TAFA2: variants seen among roughly 807,000 people sequenced by gnomAD.
TAFA2 encodes the protein TAFA chemokine like family member 2.
A neutral mutation model predicts 18.8 loss-of-function variants in TAFA2; 7 were observed. That is an observed-to-expected ratio of 0.37 (90% CI 0.21 to 0.70). TAFA2 has a LOEUF of 0.70. TAFA2 is among the 30% of genes least tolerant of loss of function. The probability of loss-of-function intolerance (pLI) is 0.53; values close to 1 mark genes in which losing one functional copy is unlikely to be tolerated. For synonymous variants in TAFA2, 60 were observed against 54.2 expected, an observed-to-expected ratio of 1.11 and a Z score of -0.47; for missense variants, 122 against 158.1, an observed-to-expected ratio of 0.77 and a Z score of 1.23.
At chr12:61,821,484 C>A (rs1298062270) in intron 2 of TAFA2, among the ~76,000 whole-genome samples, 1 of 150,808 alleles carries the variant, frequency 6.6e-6, no homozygotes, top group African/African-American at 2.4e-5. Flanking sequence ...GGATTGCAAG[C>A]AAAAAAGGGA....
At chr12:61,716,252 C>T (rs1565747448) in intron 4 of TAFA2, among the ~76,000 whole-genome samples, 2 of 152,150 alleles carry the variant, frequency 1.3e-5, no homozygotes, top group African/African-American at 4.8e-5. Flanking sequence ...TTCTCTGATA[C>T]AGAATTCCAT....
In TAFA2 at chr12:62,106,519, G is replaced by A. The variant is rs12818210; in HGVS notation, c.-2+84740C>T. On this transcript the variant is annotated intron_variant, in intron 1 of 4. Coordinates refer to ENST00000416284, the MANE Select transcript of TAFA2 (RefSeq NM_178539.5). ...AGAGGCAGAAGGGAAGGGATGCTTC[G>A]AATTCCTGACTTGAATTTTAATTCT... is the stretch of plus-strand genomic sequence containing the variant. Among the ~76,000 whole-genome samples the A allele has an allele frequency of 4.6e-5, 7 of 152,204 alleles. No individual in the cohort carries two copies. In the South Asian group the frequency reaches 6.2e-4, roughly 14 times the overall value.
intron 1 of TAFA2, among the ~76,000 whole-genome samples, chr12:61,873,235 TGAG>T (rs1418569562): frequency 2.0e-5 from 3 of 152,022 alleles, no homozygotes; most frequent in African/African-American, 7.2e-5. Flanking sequence ...GAGTGGGAGA[TGAG>T]GAAATGGAAA....
intron 2 of TAFA2, among the ~76,000 whole-genome samples, chr12:61,810,774 A>G (rs1871832789): frequency 6.6e-6 from 1 of 151,092 alleles, no homozygotes; most frequent in African/African-American, 2.5e-5. Context: ...CTGCTGTACA[A>G]TCCTCAGTGA....
chr12:62,040,037 G>A (rs1881716668), intron 1 of TAFA2, among the ~76,000 whole-genome samples: 6 of 152,040 alleles, frequency 3.9e-5, no homozygotes, highest in Admixed American at 3.9e-4. Context: ...GAATGCTGTG[G>A]GAGAACACAC....
chr12:62,056,543 A>G (rs1466168261), intron 1 of TAFA2, among the ~76,000 whole-genome samples: 1 of 152,140 alleles, frequency 6.6e-6, no homozygotes, highest in African/African-American at 2.4e-5. Flanking sequence ...CCTGAAGTCC[A>G]TGGGCTCCCC....
intron 2 of TAFA2, among the ~76,000 whole-genome samples, chr12:61,834,076 A>T (rs1872821851): frequency 6.6e-6 from 1 of 152,104 alleles, no homozygotes; most frequent in East Asian, 1.9e-4. Flanking sequence ...CAATAGTAGT[A>T]ACAACTATTG....
At chr12:61,886,094 C>T (rs1200398343) in intron 1 of TAFA2, among the ~76,000 whole-genome samples, 1 of 152,124 alleles carries the variant, frequency 6.6e-6, no homozygotes, top group African/African-American at 2.4e-5. Flanking sequence ...TTGGGTAAGG[C>T]CTCCCTTTGC....
chr12:62,206,142 AC>A (rs569090417), intron 1 of TAFA2, among the ~76,000 whole-genome samples: 241 of 151,814 alleles, frequency 1.6e-3, no homozygotes, highest in African/African-American at 5.7e-3. Flanking sequence ...GGAGCCTCCA[AC>A]CCCAGCTGTT....
chr12:62,211,759 T>A (rs1213376480), intron 1 of TAFA2, among the ~76,000 whole-genome samples: 1 of 152,202 alleles, frequency 6.6e-6, no homozygotes, highest in East Asian at 1.9e-4. Flanking sequence ...AGTGCATGAA[T>A]GTATAAGACT....
rs561195523 is a variant in TAFA2 at position 62,113,876 on chromosome 12, C to T, written c.-2+77383G>A. Among the ~76,000 whole-genome samples, 16 of 152,358 alleles carry T rather than the reference C, an allele frequency of 1.1e-4. No individual in the cohort carries two copies. In the South Asian group the frequency reaches 3.3e-3, roughly 32 times the overall value. On this transcript the variant is annotated intron_variant, in intron 1 of 4. Transcript: ENST00000416284. ...CTCGAGCATCCAGGTCGACTTCAGA[C>T]TGCTGTACTGGCAGTAAGAATTTCA...
At chr12:62,155,566 A>G (rs950914834) in intron 1 of TAFA2, among the ~76,000 whole-genome samples, 1 of 152,214 alleles carries the variant, frequency 6.6e-6, no homozygotes, top group African/African-American at 2.4e-5. Context: ...CCATATCACC[A>G]AAACAGCATG....
intron 2 of TAFA2, among the ~76,000 whole-genome samples, chr12:61,847,444 A>G (rs1355025896): frequency 6.6e-6 from 1 of 152,162 alleles, no homozygotes; most frequent in Non-Finnish European, 1.5e-5. Context: ...AAGAAAAGAA[A>G]CCCATAAGAA....
intron 1 of TAFA2, among the ~76,000 whole-genome samples, chr12:62,219,543 G>C (rs2062751652): frequency 6.6e-6 from 1 of 152,112 alleles, no homozygotes; most frequent in Admixed American, 6.5e-5. Flanking sequence ...AAAATTCCAA[G>C]TCTTGTTGAA....
At chr12:61,868,494 C>CTTTT (rs1423524412) in intron 1 of TAFA2, among the ~76,000 whole-genome samples, 4 of 152,276 alleles carry the variant, frequency 2.6e-5, no homozygotes, top group African/African-American at 9.6e-5. Context: ...GCCTGCCCTG[C>CTTTT]TTTTAAAGCA....
In TAFA2 at chr12:61,971,127, G is replaced by A. The variant is rs992028319; in HGVS notation, c.-1-103701C>T. Among the ~76,000 whole-genome samples the A allele has an allele frequency of 2.0e-5, 3 of 151,696 alleles. No individual in the cohort carries two copies. In the South Asian group the frequency reaches 6.2e-4, roughly 31 times the overall value. ...ATTGAGTGGAAATCAAAGACACAAAGACAATGAATATAGAATGCTCATTTG... is the reference window on the plus strand; with the variant it reads ...ATTGAGTGGAAATCAAAGACACAAAAACAATGAATATAGAATGCTCATTTG... On this transcript the variant is annotated intron_variant, in intron 1 of 4. Transcript: ENST00000416284.
intron 1 of TAFA2, among the ~76,000 whole-genome samples, chr12:62,249,801 G>C (rs61919226): frequency 0.037 from 5,604 of 152,236 alleles, 148 homozygotes; most frequent in South Asian, 0.07. Flanking sequence ...TTAAGAGCAA[G>C]AGTTTCCATC....
intron 2 of TAFA2, among the ~76,000 whole-genome samples, chr12:61,789,204 T>C (rs1336671834): frequency 1.3e-5 from 2 of 152,054 alleles, no homozygotes; most frequent in East Asian, 1.9e-4. Context: ...GTTTTAGTCA[T>C]GAAGTCTTTG....
intron 1 of TAFA2, among the ~76,000 whole-genome samples, chr12:62,130,389 G>A (rs1196369999): frequency 6.6e-6 from 1 of 151,872 alleles, no homozygotes; most frequent in Non-Finnish European, 1.5e-5. Context: ...TTAAAGTAAT[G>A]AAATTGAAAT....
Sources: gnomAD v4.1 joint callset for allele counts (sites outside exome capture counted in the v4.1 genomes callset) on GRCh38, gnomAD v4.1.1 for gene constraint, MANE v1.5 for transcripts, NCBI Gene and HGNC (gene_info 2026-07-23, HGNC 2026-07-21) for gene names.